The following SAMD12 variants were observed in gnomAD, a reference collection of about 807,000 sequenced individuals.
SAMD12 encodes the protein sterile alpha motif domain containing 12.
In SAMD12, 9 loss-of-function variants were observed where a neutral mutation model predicts 15.0. The observed-to-expected ratio is 0.60, with a 90% CI of 0.36 to 1.05. The LOEUF (loss-of-function observed/expected upper bound fraction) is 1.05, where lower values mean the gene tolerates loss of function less well. Ranked by LOEUF, SAMD12 falls within the 50% of genes least tolerant of loss-of-function variation. The pLI, the probability that SAMD12 is intolerant of heterozygous loss-of-function variation, is 0.01. For synonymous variants in SAMD12, 86 were observed against 90.1 expected, an observed-to-expected ratio of 0.96 and a Z score of 0.25; for missense variants, 230 against 234.2, an observed-to-expected ratio of 0.98 and a Z score of 0.12.
chr8:118,173,125 G>A, the SAMD12 span, among the ~76,000 whole-genome samples: 8,606 of 152,232 alleles, frequency 0.057, 580 homozygotes, highest in African/African-American at 0.15. Flanking sequence ...TTGGACAAGT[G>A]GTACAGTATT....
the SAMD12 span, among the ~76,000 whole-genome samples, chr8:118,156,648 G>T: frequency 6.6e-6 from 1 of 152,016 alleles, no homozygotes; most frequent in African/African-American, 2.4e-5. Context: ...AGTGTTCAAC[G>T]GGCATCTATT....
At chr8:118,542,990 G>A (rs565205470) in intron 2 of SAMD12, among the ~76,000 whole-genome samples, 2 of 151,966 alleles carry the variant, frequency 1.3e-5, no homozygotes, top group East Asian at 3.9e-4. Flanking sequence ...AAGGAAAGAG[G>A]GAGGCGAGAA....
chr8:118,571,810 G>C (rs943312268), intron 2 of SAMD12, among the ~76,000 whole-genome samples: 1 of 152,198 alleles, frequency 6.6e-6, no homozygotes, highest in Admixed American at 6.5e-5. Flanking sequence ...TGTAGGGGCA[G>C]GGTCCTCATG....
rs112493877 is a variant in SAMD12, at chr8:118,359,037, A to G, written c.433+20523T>C. ...TGTGTGTGTGTGTGTATATATATAT[A>G]TGTGTGTATTCTCCTTCTTTAACAA... On this transcript the variant is annotated intron_variant, in intron 4 of 4. Transcript: ENST00000409003. 7.6e-3 allele frequency among the ~76,000 whole-genome samples: 1,138 copies of G among 149,596 alleles called. 8 individuals are homozygous for G. Among genetic ancestry groups the G allele is most frequent in the Middle Eastern group, 0.048 (14 of 294 alleles).
chr8:118,177,822 CTG>C, the SAMD12 span, among the ~76,000 whole-genome samples: 2 of 152,206 alleles, frequency 1.3e-5, no homozygotes, highest in African/African-American at 4.8e-5. Flanking sequence ...AGATCATTCT[CTG>C]TGCCATGTGG....
chr8:118,584,004 ATTCCC>A (rs1266204156), intron 1 of SAMD12, among the ~76,000 whole-genome samples: 1 of 152,174 alleles, frequency 6.6e-6, no homozygotes, highest in Non-Finnish European at 1.5e-5. Context: ...TGAACCAGCA[ATTCCC>A]TTCCTTTACG....
chr8:118,570,333 T>C (rs1241738997), intron 2 of SAMD12, among the ~76,000 whole-genome samples: 1 of 152,202 alleles, frequency 6.6e-6, no homozygotes, highest in Non-Finnish European at 1.5e-5. Flanking sequence ...ACCCATTAGA[T>C]ATCTTTCCCA....
intron 2 of SAMD12, among the ~76,000 whole-genome samples, chr8:118,470,955 A>C (rs1275560716): frequency 6.6e-6 from 1 of 152,248 alleles, no homozygotes; most frequent in Admixed American, 6.5e-5. Context: ...AATGATGCTA[A>C]ATAAACTATG....
At chr8:118,354,453 G>C (rs760730750) in intron 4 of SAMD12, among the ~76,000 whole-genome samples, 1 of 152,144 alleles carries the variant, frequency 6.6e-6, no homozygotes, top group African/African-American at 2.4e-5. Flanking sequence ...CCTAAATGGA[G>C]TTTTCTTCCA....
intron 2 of SAMD12, among the ~76,000 whole-genome samples, chr8:118,553,921 C>T (rs999483013): frequency 1.3e-5 from 2 of 151,614 alleles, no homozygotes; most frequent in Non-Finnish European, 2.9e-5. Flanking sequence ...AGCCAAAAAA[C>T]ACATGAAAAA....
At chr8:118,436,825 G>T (rs1326431454) in intron 3 of SAMD12, among the ~76,000 whole-genome samples, 3 of 152,202 alleles carry the variant, frequency 2.0e-5, no homozygotes, top group African/African-American at 4.8e-5. Context: ...ACTTGGAAAA[G>T]AGCAGCAGCT....
At chr8:118,549,839 T>C (rs1450186185) in intron 2 of SAMD12, among the ~76,000 whole-genome samples, 4 of 152,082 alleles carry the variant, frequency 2.6e-5, no homozygotes, top group Non-Finnish European at 5.9e-5. Context: ...TTAAAGGAAC[T>C]GATGGAGCTG....
At chr8:118,562,484 A>G (rs1029140882) in intron 2 of SAMD12, among the ~76,000 whole-genome samples, 1 of 152,244 alleles carries the variant, frequency 6.6e-6, no homozygotes, top group African/African-American at 2.4e-5. Flanking sequence ...AGGTTACAGC[A>G]GCATCTCATA....
intron 4 of SAMD12, among the ~76,000 whole-genome samples, chr8:118,199,765 T>C (rs1286037399): frequency 6.6e-6 from 1 of 152,194 alleles, no homozygotes; most frequent in Non-Finnish European, 1.5e-5. Flanking sequence ...CACTTTCCCT[T>C]ATCATTGCCC....
At chr8:118,586,838 G>A (rs1254165641) in intron 1 of SAMD12, among the ~76,000 whole-genome samples, 1 of 152,160 alleles carries the variant, frequency 6.6e-6, no homozygotes, top group Non-Finnish European at 1.5e-5. Context: ...ACTGAGCATA[G>A]ATATGATGGA....
intron 4 of SAMD12, chr8:118,291,292 C>T (rs1586447095): frequency 1.3e-5 from 2 of 152,234 alleles, no homozygotes; most frequent in South Asian, 4.1e-4. Context: ...CCATCCAGGC[C>T]TGCAGGAGAG....
chr8:118,303,371 C>T (rs768473856), intron 4 of SAMD12, among the ~76,000 whole-genome samples: 39 of 152,130 alleles, frequency 2.6e-4, no homozygotes, highest in Non-Finnish European at 4.4e-4. Flanking sequence ...AACAACTGTA[C>T]ATTAGGGACA....
the SAMD12 span, among the ~76,000 whole-genome samples, chr8:118,161,534 C>A: frequency 7.3e-6 from 1 of 137,070 alleles, no homozygotes; most frequent in Non-Finnish European, 1.5e-5. Context: ...GACTGCAGTT[C>A]AGCCTTGCTG....
intron 2 of SAMD12, among the ~76,000 whole-genome samples, chr8:118,559,140 A>G (rs1273771165): frequency 6.6e-6 from 1 of 152,212 alleles, no homozygotes; most frequent in East Asian, 1.9e-4. Flanking sequence ...TTTAGGAATT[A>G]TTCAGCTTAT....
Sources: allele counts gnomAD v4.1 joint callset (sites outside exome capture counted in the v4.1 genomes callset), GRCh38; gene constraint gnomAD v4.1.1; transcripts MANE v1.5; gene names NCBI Gene and HGNC (gene_info 2026-07-23, HGNC 2026-07-21).